The following KCNH6 variants were observed in gnomAD, a reference collection of about 807,000 sequenced individuals.
KCNH6 encodes the protein potassium voltage-gated channel subfamily H member 6.
Under a neutral mutation model 83.4 loss-of-function variants are expected in KCNH6, and 81 were observed. The ratio of observed to expected loss-of-function variants is 0.97; its 90% confidence interval spans 0.81 to 1.17. KCNH6 has a LOEUF of 1.17. KCNH6 is among the 50% of genes most tolerant of loss of function. The pLI is 0.00. For missense variants in KCNH6, 1,203 were observed against 1,290.5 expected, an observed-to-expected ratio of 0.93 and a Z score of 1.04; for synonymous variants, 503 against 545.6, an observed-to-expected ratio of 0.92 and a Z score of 1.09.
In KCNH6 at chr17:63,534,064, A is replaced by C. The variant is rs748227803; in HGVS notation, c.854A>C (p.Gln285Pro). 6.2e-6 allele frequency: 10 copies of C among 1,614,038 alleles called. No homozygotes were observed. Among genetic ancestry groups the C allele is most frequent in the Non-Finnish European group, 5.9e-6 (7 of 1,180,026 alleles). Residue 285 changes from glutamine (Q) to proline (P), a missense_variant, in exon 5 of 13, where the codon CAG becomes CCG. By Grantham distance (76) the Gln-to-Pro change is moderately conservative. Coordinates refer to ENST00000314672, the MANE Select transcript of KCNH6 (RefSeq NM_001278919.2). This position sits in a 1 kb window ranked among gnomAD's most constrained non-coding sequence, Gnocchi z 5.0. ...TCAGCCGCCTTCCTGCTCAGCGATC[A>C]GGACGAATCACGGCGTGGGGCCTGC... ...PYSAAFLLSD[Q>P]DESRRGACSY...
At chr17:63,548,961 AAAAAT>A (rs2033198995), downstream of KCNH6, 1 of 152,020 alleles carries the variant, frequency 6.6e-6, no homozygotes, top group African/African-American at 2.4e-5. Context: ...ACTCCATCTC[AAAAAT>A]AAAATAAAAT....
Position 63,533,793 on chromosome 17 carries a change from T to A in KCNH6, c.676-93T>A. The A allele has an allele frequency of 1.1e-5, 13 of 1,131,796 alleles. No individual in the cohort carries two copies. Among genetic ancestry groups the A allele is most frequent in the East Asian group, 5.3e-5 (2 of 37,784 alleles). 70.1% of individuals were successfully genotyped at this position (1,131,796 alleles called of 1,614,324 possible). A position where few individuals can be genotyped will look rare whatever the true frequency, so the allele number is the denominator to read the frequency against. On this transcript the variant is annotated intron_variant, in intron 4 of 12. Coordinates refer to ENST00000314672, the MANE Select transcript of KCNH6 (RefSeq NM_001278919.2). This position sits in a 1 kb window ranked among gnomAD's most constrained non-coding sequence, Gnocchi z 4.1. Reference sequence around the variant, plus strand: ...ACCAGAGCCGTGGTCACCCACCCTCTCCCACTACACCTTCCCCAGGCCTCA... The same window carrying A: ...ACCAGAGCCGTGGTCACCCACCCTCACCCACTACACCTTCCCCAGGCCTCA...
chr17:63,536,310 C>A, intron 6 of KCNH6: 1 of 538,512 alleles, frequency 1.9e-6, no homozygotes, highest in Non-Finnish European at 3.3e-6. Context: ...TTTGCAGAGC[C>A]CAGAGCAAAA....
rs1386946495 is a variant in KCNH6, at chr17:63,534,340, C to T, written c.1101+29C>T. The T allele has an allele frequency of 6.3e-7, 1 of 1,583,808 alleles. No individual in the cohort carries two copies. Among genetic ancestry groups the T allele is most frequent in the South Asian group, 1.2e-5 (1 of 85,652 alleles). On this transcript the variant is annotated intron_variant, in intron 5 of 12. Coordinates refer to ENST00000314672, the MANE Select transcript of KCNH6 (RefSeq NM_001278919.2). This position sits in a 1 kb window ranked among gnomAD's most constrained non-coding sequence, Gnocchi z 5.0. ...AGCAGACCCCCTCCAGGCCAGCAGCCATGGCTGTCCTCTGCACGCTGGCCT... is the reference window on the plus strand; with the variant it reads ...AGCAGACCCCCTCCAGGCCAGCAGCTATGGCTGTCCTCTGCACGCTGGCCT...
chr17:63,525,583 C>T (rs2031655084), intron 2 of KCNH6, among the ~76,000 whole-genome samples: 1 of 152,084 alleles, frequency 6.6e-6, no homozygotes, highest in African/African-American at 2.4e-5. Flanking sequence ...TGTGTGCTTG[C>T]ATGTGTGTGC....
At chr17:63,543,298 C>T (rs561307242) in intron 9 of KCNH6, among the ~76,000 whole-genome samples, 1 of 152,172 alleles carries the variant, frequency 6.6e-6, no homozygotes, top group Non-Finnish European at 1.5e-5. Context: ...CCCTCCCTCC[C>T]GCGATCTGCA....
chr17:63,542,040 A>G (rs565172643), intron 8 of KCNH6, among the ~76,000 whole-genome samples: 1 of 152,274 alleles, frequency 6.6e-6, no homozygotes, highest in East Asian at 1.9e-4. Flanking sequence ...GTGCCGCTCA[A>G]AGGACACAGG....
chr17:63,531,234 C>G (rs2032087859), intron 4 of KCNH6, among the ~76,000 whole-genome samples: 1 of 152,242 alleles, frequency 6.6e-6, no homozygotes, highest in African/African-American at 2.4e-5. Context: ...TGCGAGGAGC[C>G]CTGCCCGAGG....
Position 63,533,859 on chromosome 17 carries a change from C to G in KCNH6, c.676-27C>G, listed in dbSNP as rs2032283162. The G allele has an allele frequency of 6.3e-7, 1 of 1,597,350 alleles. No homozygotes were observed. The highest frequency in any genetic ancestry group is 8.5e-7 in the Non-Finnish European group (1 of 1,172,214). ...CTCACCAGCAGTGGCTGCCCCGTGC[C>G]TGACCTCCCTCGGCCCCCACCCCCA... On this transcript the variant is annotated intron_variant, in intron 4 of 12. Transcript: ENST00000314672. This position sits in a 1 kb window ranked among gnomAD's most constrained non-coding sequence, Gnocchi z 4.1.
Position 63,533,797 on chromosome 17 carries a change from A to G in KCNH6, c.676-89A>G. 7.7e-7 allele frequency: 1 copy of G among 1,293,008 alleles called. No homozygotes were observed. Among genetic ancestry groups the G allele is most frequent in the Non-Finnish European group, 1.1e-6 (1 of 929,534 alleles). 80.1% of individuals were successfully genotyped at this position (1,293,008 alleles called of 1,614,324 possible). A position where few individuals can be genotyped will look rare whatever the true frequency, so the allele number is the denominator to read the frequency against. On this transcript the variant is annotated intron_variant, in intron 4 of 12. Transcript: ENST00000314672. The surrounding 1 kb of genome is among the most constrained non-coding windows in gnomAD (Gnocchi z 4.1). Reference sequence around the variant, plus strand: ...GAGCCGTGGTCACCCACCCTCTCCCACTACACCTTCCCCAGGCCTCAGCCC... The same window carrying G: ...GAGCCGTGGTCACCCACCCTCTCCCGCTACACCTTCCCCAGGCCTCAGCCC...
At position 63,528,277 on chromosome 17, in the gene KCNH6, G is replaced by C. The variant is rs1242108888; in HGVS notation, c.308-1814G>C. On this transcript the variant is annotated intron_variant, in intron 2 of 12. Coordinates refer to ENST00000314672, the MANE Select transcript of KCNH6 (RefSeq NM_001278919.2). ...GTTATGGGCTTGGGCCTGGGAGTCT[G>C]GGCCTATAGCACTATGTGCCCAGGA... Among the ~76,000 whole-genome samples the C allele has an allele frequency of 2.0e-5, 3 of 152,312 alleles. No individual in the cohort carries two copies. The East Asian group carries it at 5.8e-4, about 29-fold the overall frequency.
rs185234703 is a variant in KCNH6, at chr17:63,543,922, C to G, written c.2233+262C>G. On this transcript the variant is annotated intron_variant, in intron 10 of 12. Coordinates refer to ENST00000314672, the MANE Select transcript of KCNH6 (RefSeq NM_001278919.2). ...GGGGTGTATGGAGACTAGCCAGCCCCCTGAGGTTCCACACCAAGGCATCAG... is the reference window on the plus strand; with the variant it reads ...GGGGTGTATGGAGACTAGCCAGCCCGCTGAGGTTCCACACCAAGGCATCAG... The G allele has an allele frequency of 7.0e-4, 515 of 730,702 alleles. 1 individual carries two copies. The African/African-American group carries it at 8.6e-3, about 12-fold the overall frequency. The allele number at this position is 730,702 out of a possible 1,614,324, so 45.3% of individuals were successfully genotyped here.
Position 63,534,460 on chromosome 17 carries a change from A to C in KCNH6, c.1101+149A>C. The C allele has an allele frequency of 1.2e-5, 9 of 762,832 alleles. No individual in the cohort carries two copies. Among genetic ancestry groups the C allele is most frequent in the Non-Finnish European group, 1.4e-5 (7 of 485,968 alleles). The allele number at this position is 762,832 out of a possible 1,614,324, so 47.3% of individuals were successfully genotyped here. A position where few individuals can be genotyped will look rare whatever the true frequency, so the allele number is the denominator to read the frequency against. ...TGGAGGTGGAGAGGAGGCCCCAAAC[A>C]TCTGTCACCTCCCAGCCCTGGAGAA... On this transcript the variant is annotated intron_variant, in intron 5 of 12. Transcript: ENST00000314672. This position sits in a 1 kb window ranked among gnomAD's most constrained non-coding sequence, Gnocchi z 5.0.
chr17:63,545,568 A>G (rs1246121449), intron 12 of KCNH6, 41 bp from the exon 13 acceptor site: 1 of 1,582,316 alleles, frequency 6.3e-7, no homozygotes, highest in Admixed American at 1.7e-5. Context: ...ATTAACCCGC[A>G]GCCTGGCCTG....
chr17:63,541,893 G>A (rs143746344), intron 8 of KCNH6, among the ~76,000 whole-genome samples: 4 of 152,330 alleles, frequency 2.6e-5, no homozygotes, highest in Non-Finnish European at 4.4e-5. Flanking sequence ...GCAGGAAGAC[G>A]TTGAGACAGA....
intron 4 of KCNH6, among the ~76,000 whole-genome samples, chr17:63,530,779 CA>C (rs1211450333): frequency 6.6e-6 from 1 of 152,198 alleles, no homozygotes; most frequent in East Asian, 1.9e-4. Context: ...AGGCTGGGGT[CA>C]GTAGGGCCTG....
intron 2 of KCNH6, among the ~76,000 whole-genome samples, chr17:63,529,576 C>T (rs747016965): frequency 1.3e-5 from 2 of 152,334 alleles, no homozygotes; most frequent in African/African-American, 4.8e-5. Context: ...TGCCTGCCCC[C>T]CAAGGACCTC....
rs61588369 is a variant in KCNH6, at chr17:63,528,829, T to TTTTG, written c.308-1241_308-1238dup. On this transcript the variant is annotated intron_variant, in intron 2 of 12. Coordinates refer to ENST00000314672, the MANE Select transcript of KCNH6 (RefSeq NM_001278919.2). ...GCCTGGGGCTCTTGGGTATGGGGTA[T>TTTTG]TTTGTTTGTTTGTTTGTTTGTTTGA... 3.3e-3 allele frequency among the ~76,000 whole-genome samples: 493 copies of TTTTG among 150,584 alleles called. 3 individuals carry two copies. The highest frequency in any genetic ancestry group is 9.3e-3 in the African/African-American group (381 of 40,786).
At chr17:63,537,719 G>A (rs1298341699) in intron 6 of KCNH6, among the ~76,000 whole-genome samples, 1 of 152,172 alleles carries the variant, frequency 6.6e-6, no homozygotes, top group Non-Finnish European at 1.5e-5. Context: ...TTACAGGCCT[G>A]AGCCACCACA....
Sources: allele counts gnomAD v4.1 joint callset (sites outside exome capture counted in the v4.1 genomes callset), GRCh38; gene constraint gnomAD v4.1.1; non-coding constraint Gnocchi (gnomAD v3.1); transcripts MANE v1.5; gene names NCBI Gene and HGNC (gene_info 2026-07-23, HGNC 2026-07-21).